Variants in CEP250 observed in about 807,000 individuals in gnomAD.
CEP250 encodes centrosome-associated protein CEP250.
CEP250 carries 242 observed loss-of-function variants against 315.7 expected under a neutral mutation model. That is an observed-to-expected ratio of 0.77 (90% CI 0.69 to 0.85). The LOEUF (loss-of-function observed/expected upper bound fraction) is 0.85, where lower values mean the gene tolerates loss of function less well. CEP250 is among the 40% of genes least tolerant of loss of function. The pLI is 0.00. For missense variants in CEP250, 2,515 were observed against 2,886.4 expected (o/e 0.87, Z 2.95); for synonymous variants, 1,088 against 1,175.0 (o/e 0.93, Z 1.51).
chr20:35,498,848 C>G, intron 27 of CEP250, 132 bp downstream of exon 27: 2 of 1,049,964 alleles, frequency 1.9e-6, no homozygotes, highest in Non-Finnish European at 2.7e-6. Context: ...TATCACTTAC[C>G]ACCTGGCAAC....
chr20:35,478,749 T>A (rs188030635), intron 17 of CEP250, among the ~76,000 whole-genome samples: 1 of 152,344 alleles, frequency 6.6e-6, no homozygotes, highest in Non-Finnish European at 1.5e-5. Flanking sequence ...GGCAAAGCTA[T>A]ATCTTATTTG....
chr20:35,486,149 G>A (rs2063508089), intron 20 of CEP250, among the ~76,000 whole-genome samples: 2 of 151,494 alleles, frequency 1.3e-5, no homozygotes, highest in Non-Finnish European at 2.9e-5. Context: ...CAAGTAGCTG[G>A]GATTACAGGC....
intron 22 of CEP250, 40 bp from the exon 23 acceptor site, chr20:35,493,389 A>G (rs933972131): frequency 1.2e-5 from 18 of 1,482,312 alleles, no homozygotes; most frequent in Non-Finnish European, 1.6e-5. Context: ...TTTCTATGAC[A>G]CAGATTTCCT....
intron 25 of CEP250, among the ~76,000 whole-genome samples, chr20:35,497,277 T>G (rs2063865036): frequency 6.6e-6 from 1 of 152,188 alleles, no homozygotes; most frequent in South Asian, 2.1e-4. Context: ...AACGTCAGCT[T>G]CTTCATCCAT....
intron 20 of CEP250, among the ~76,000 whole-genome samples, chr20:35,489,407 T>C (rs1343529339): frequency 2.0e-5 from 3 of 152,250 alleles, no homozygotes; most frequent in Non-Finnish European, 4.4e-5. Context: ...CTGGCTGTTG[T>C]GTATTGCCCG....
intron 5 of CEP250, among the ~76,000 whole-genome samples, chr20:35,465,156 A>G (rs1309894685): frequency 6.6e-6 from 1 of 152,012 alleles, no homozygotes; most frequent in African/African-American, 2.4e-5. Context: ...GTGGTGGCTC[A>G]TGCCTGTAAC....
At chr20:35,473,825 T>G in intron 13 of CEP250, 45 bp from the exon 14 acceptor site, 1 of 1,527,342 alleles carries the variant, frequency 6.5e-7, no homozygotes, top group Non-Finnish European at 8.8e-7. Flanking sequence ...CAGAAAGAAT[T>G]TTAGGTCCTA....
chr20:35,456,483 C>T (rs1568745018), intron 1 of CEP250, among the ~76,000 whole-genome samples: 1 of 152,186 alleles, frequency 6.6e-6, no homozygotes, highest in South Asian at 2.1e-4. Flanking sequence ...GAAAGGAGAA[C>T]TGGTCCCAGA....
rs542620425 is a variant in CEP250, at chr20:35,500,737, G to C, written c.3898+568G>C. On this transcript the variant is annotated intron_variant, in intron 28 of 34. Coordinates refer to ENST00000397527, the MANE Select transcript of CEP250 (RefSeq NM_007186.6). ...CACTGCATTATTTACCCAGAAATGT[G>C]AGGTGAGATCTAGATGCACTTCCAA... Among the ~76,000 whole-genome samples, 5 of 152,332 alleles carry C rather than the reference G, an allele frequency of 3.3e-5. No individual in the cohort carries two copies. In the South Asian group the frequency reaches 1.0e-3, roughly 32 times the overall value.
At chr20:35,456,684 TTAAC>T (rs1412247815) in intron 1 of CEP250, among the ~76,000 whole-genome samples, 1 of 152,204 alleles carries the variant, frequency 6.6e-6, no homozygotes, top group African/African-American at 2.4e-5. Flanking sequence ...TGTTCATGCT[TTAAC>T]AGCTAATGTA....
intron 32 of CEP250, 127 bp downstream of exon 32, chr20:35,508,317 G>GTTT (rs370090387): frequency 3.7e-5 from 31 of 838,146 alleles, no homozygotes; most frequent in Middle Eastern, 8.4e-4. Flanking sequence ...AATTAAGTTT[G>GTTT]TTTTTTTTTT....
In CEP250 at chr20:35,477,913, G is replaced by T. The variant is rs143216068; in HGVS notation, c.1906G>T (p.Ala636Ser). The T allele has an allele frequency of 3.7e-6, 6 of 1,600,992 alleles. No individual in the cohort carries two copies. The highest frequency in any genetic ancestry group is 1.3e-5 in the African/African-American group (1 of 74,846). Residue 636 changes from alanine to serine, a missense_variant, in exon 17 of 35, where the codon GCA becomes TCA. Ala to Ser is a moderately conservative substitution (Grantham distance 99, BLOSUM62 1). Transcript: ENST00000397527. ...NQSVCSRMEA[A>S]EQARNALQVD... ...GTCTGTGTGCAGCAGAATGGAGGCC[G>T]CAGAGCAGGCGAGAAATGCTTTGCA...
At chr20:35,507,097 C>T (rs577832155) in intron 30 of CEP250, among the ~76,000 whole-genome samples, 2 of 152,266 alleles carry the variant, frequency 1.3e-5, no homozygotes, top group South Asian at 2.1e-4. Flanking sequence ...GCCTCTAGAG[C>T]GCAGGCTTTC....
At chr20:35,496,549 C>T in intron 24 of CEP250, 28 bp from the exon 25 acceptor site, 1 of 1,607,166 alleles carries the variant, frequency 6.2e-7, no homozygotes, top group South Asian at 1.1e-5. Context: ...AAGAGAATGG[C>T]CCAGCACTCT....
chr20:35,497,401 T>A lies in CEP250; in HGVS notation c.3307-318T>A, dbSNP rs770576266. Among the ~76,000 whole-genome samples, 7 of 152,300 alleles carry A rather than the reference T, an allele frequency of 4.6e-5. No homozygotes were observed. The East Asian group carries it at 1.4e-3, about 29-fold the overall frequency. ...ATGGTAGCTATGTTATTGTGACTGG[T>A]CTTACTAGGCGCAGCGTCGAGGTTT... is the stretch of plus-strand genomic sequence containing the variant. On this transcript the variant is annotated intron_variant, in intron 25 of 34. Coordinates refer to ENST00000397527, the MANE Select transcript of CEP250 (RefSeq NM_007186.6).
rs370975030 is a variant in CEP250, at chr20:35,503,695, C to T, written c.5326C>T (p.Arg1776Ter). The T allele has an allele frequency of 6.2e-7, 1 of 1,614,036 alleles. No individual in the cohort carries two copies. Among genetic ancestry groups the T allele is most frequent in the Non-Finnish European group, 8.5e-7 (1 of 1,179,988 alleles). The change falls in exon 30 of 35, where the codon CGA (arginine) becomes TGA (stop). Residue 1776 changes from arginine to a stop codon, truncating the protein, a stop_gained. Coordinates refer to ENST00000397527, the MANE Select transcript of CEP250 (RefSeq NM_007186.6). LOFTEE classifies it high-confidence loss of function. The surrounding 1 kb of genome is among the most constrained non-coding windows in gnomAD (Gnocchi z 4.2). ...TGAGACCAGCCTCCTCCTGTCCCAG[C>T]GAGAGCAGGAAATAGTGGTCCTGCA... ...VGETSLLLSQ[R>*]EQEIVVLQQQ...
At chr20:35,485,276 G>A (rs1424352073) in intron 20 of CEP250, among the ~76,000 whole-genome samples, 1 of 150,868 alleles carries the variant, frequency 6.6e-6, no homozygotes, top group Admixed American at 6.6e-5. Context: ...TTGGGAGGCT[G>A]AACAGGAGAA....
intron 27 of CEP250, 121 bp from the exon 28 acceptor site, chr20:35,499,928 C>G (rs982035169): frequency 2.0e-5 from 25 of 1,256,602 alleles, no homozygotes; most frequent in Non-Finnish European, 2.6e-5. Context: ...ACCCGGCAAT[C>G]TGGGAGTAGG....
rs1283203122 is a variant in CEP250 at position 35,455,604 on chromosome 20, A to T, written c.-445A>T. ...GTAATCTATCCGAAAGCCCAGTCCC[A>T]CCCGCCACCCGACTCTGGAGCTCCC... On this transcript the variant is annotated 5_prime_UTR_variant, in exon 1 of 35. Coordinates refer to ENST00000397527, the MANE Select transcript of CEP250 (RefSeq NM_007186.6). The T allele has an allele frequency of 6.7e-6, 1 of 149,624 alleles. No homozygotes were observed. The allele number at this position is 149,624 out of a possible 1,614,324, so 9.3% of individuals were successfully genotyped here.
Sources: allele counts gnomAD v4.1 joint callset (sites outside exome capture counted in the v4.1 genomes callset), GRCh38; gene constraint gnomAD v4.1.1; non-coding constraint Gnocchi (gnomAD v3.1); transcripts MANE v1.5; gene names NCBI Gene and HGNC (gene_info 2026-07-23, HGNC 2026-07-21).